The following SEMA4D variants were observed in gnomAD, a reference collection of about 807,000 sequenced individuals.
SEMA4D encodes the protein semaphorin 4D.
In SEMA4D, 22 loss-of-function variants were observed where a neutral mutation model predicts 74.8. That is an observed-to-expected ratio of 0.29 (90% CI 0.21 to 0.42). The LOEUF is 0.42. Ranked by LOEUF, SEMA4D falls within the 10% of genes least tolerant of loss-of-function variation. The pLI is 1.00. For missense variants in SEMA4D, 937 were observed against 1,118.4 expected, an observed-to-expected ratio of 0.84 and a Z score of 2.31; for synonymous variants, 445 against 463.7, an observed-to-expected ratio of 0.96 and a Z score of 0.52.
chr9:89,477,900 A>T lies in SEMA4D; in HGVS notation c.-310+20019T>A, dbSNP rs1041019399. ...TTAAAAGCAAAGGCCCCACCAACAG[A>T]GAGAAAAACTCGCATAAAAAAGATA... On this transcript the variant is annotated intron_variant, in intron 1 of 15. Coordinates refer to ENST00000422704, the MANE Select transcript of SEMA4D (RefSeq NM_001371194.2). Among the ~76,000 whole-genome samples the T allele has an allele frequency of 2.5e-4, 38 of 152,248 alleles. 1 individual carries two copies. The highest frequency in any genetic ancestry group is 2.5e-3 in the Admixed American group (38 of 15,282).
intron 2 of SEMA4D, among the ~76,000 whole-genome samples, chr9:89,434,277 G>A (rs552655575): frequency 2.6e-5 from 4 of 152,106 alleles, no homozygotes; most frequent in South Asian, 2.1e-4. Flanking sequence ...GAGGGGTCTC[G>A]GTCTAGGAGC....
At chr9:89,460,704 G>T (rs1857000765) in intron 1 of SEMA4D, among the ~76,000 whole-genome samples, 1 of 152,210 alleles carries the variant, frequency 6.6e-6, no homozygotes, top group East Asian at 1.9e-4. Flanking sequence ...CGCAGAGCAA[G>T]GAAAAAGGGG....
intron 2 of SEMA4D, among the ~76,000 whole-genome samples, chr9:89,417,016 CAGA>C (rs1056642935): frequency 6.6e-6 from 1 of 151,990 alleles, no homozygotes; most frequent in Non-Finnish European, 1.5e-5. Flanking sequence ...TAAAAAATAA[CAGA>C]AGGAGCCAGT....
intron 2 of SEMA4D, among the ~76,000 whole-genome samples, chr9:89,429,006 G>T (rs1848684879): frequency 6.6e-6 from 1 of 152,194 alleles, no homozygotes; most frequent in Non-Finnish European, 1.5e-5. Context: ...CCTGTGGGGG[G>T]GGTCTCCCCT....
intron 9 of SEMA4D, among the ~76,000 whole-genome samples, chr9:89,390,531 G>A (rs561244446): frequency 1.3e-5 from 2 of 152,302 alleles, no homozygotes; most frequent in Admixed American, 1.3e-4. Context: ...ACTTTTGTGC[G>A]CCATAGGCAT....
chr9:89,405,447 A>G lies in SEMA4D; in HGVS notation c.10T>C (p.Cys4Arg). The change falls in exon 3 of 16, where the codon TGC becomes CGC. Residue 4 changes from cysteine to arginine, a missense_variant. Transcript: ENST00000422704. ...ATGAGCAGCCCCCTAATGGGGGTGC[A>G]CATCCTCATCAGGTAGAGGCGACCC... MRM[C>R]TPIRGLLMAL... 1 of 1,613,796 alleles carries G rather than the reference A, an allele frequency of 6.2e-7. No individual in the cohort carries two copies. Among genetic ancestry groups the G allele is most frequent in the African/African-American group, 1.3e-5 (1 of 75,058 alleles).
intron 4 of SEMA4D, among the ~76,000 whole-genome samples, chr9:89,400,983 C>T (rs914191471): frequency 1.3e-5 from 2 of 152,184 alleles, no homozygotes; most frequent in South Asian, 4.1e-4. Context: ...TTAACAGACA[C>T]GCGAAGAGTA....
intron 2 of SEMA4D, among the ~76,000 whole-genome samples, chr9:89,429,465 G>A (rs1848789685): frequency 6.6e-6 from 1 of 152,140 alleles, no homozygotes; most frequent in Admixed American, 6.5e-5. Context: ...TATCAGTGTT[G>A]GGGGGTAGGG....
intron 16 of SEMA4D, among the ~76,000 whole-genome samples, chr9:89,370,624 TG>T (rs993491852): frequency 1.8e-4 from 27 of 146,340 alleles, no homozygotes; most frequent in South Asian, 8.8e-4. Flanking sequence ...GGGATGTGTG[TG>T]GGGGGGTACA....
chr9:89,415,037 A>G (rs1247976338), intron 2 of SEMA4D, among the ~76,000 whole-genome samples: 2 of 152,236 alleles, frequency 1.3e-5, no homozygotes, highest in Non-Finnish European at 1.5e-5. Context: ...ATGCACGCAG[A>G]GTGGCGGCAC....
rs1321578152 is a variant in SEMA4D, at chr9:89,377,257, T to C, written c.*1447A>G. On this transcript the variant is annotated 3_prime_UTR_variant, in exon 16 of 16. Coordinates refer to ENST00000422704, the MANE Select transcript of SEMA4D (RefSeq NM_001371194.2). ...AAATCAAGGATAGAAGCTTCTCATT[T>C]ATTTGGGTACTTTCCAAATGTATAC... The C allele has an allele frequency of 1.6e-5, 11 of 684,836 alleles. No individual in the cohort carries two copies. Among genetic ancestry groups the C allele is most frequent in the Non-Finnish European group, 2.4e-5 (11 of 451,938 alleles). The allele number at this position is 684,836 out of a possible 1,614,324, so 42.4% of individuals were successfully genotyped here.
At chr9:89,479,418 A>C (rs895126583) in intron 1 of SEMA4D, among the ~76,000 whole-genome samples, 1 of 152,156 alleles carries the variant, frequency 6.6e-6, no homozygotes, top group African/African-American at 2.4e-5. Context: ...TTGTTACTTC[A>C]ACACCTCAGC....
At chr9:89,440,101 T>C (rs1381021944) in intron 2 of SEMA4D, among the ~76,000 whole-genome samples, 2 of 152,142 alleles carry the variant, frequency 1.3e-5, no homozygotes, top group African/African-American at 4.8e-5. Context: ...ATAAGAGGCC[T>C]GGTGTCCTCC....
intron 16 of SEMA4D, among the ~76,000 whole-genome samples, chr9:89,370,520 T>C (rs1834413188): frequency 6.7e-6 from 1 of 149,564 alleles, no homozygotes; most frequent in Middle Eastern, 3.2e-3. Context: ...GATGCTGGCA[T>C]GTGGTGTGTG....
In SEMA4D at chr9:89,492,066, T is replaced by C. The variant is rs1825673196; in HGVS notation, c.-310+5853A>G. Reference sequence around the variant, plus strand: ...CAGCCCTATCTGCCCATGACCCCCCTCCACTTCCCCACTGCCCTTCACGGC... The same window carrying C: ...CAGCCCTATCTGCCCATGACCCCCCCCCACTTCCCCACTGCCCTTCACGGC... On this transcript the variant is annotated intron_variant, in intron 1 of 15. Coordinates refer to ENST00000422704, the MANE Select transcript of SEMA4D (RefSeq NM_001371194.2). This position sits in a 1 kb window ranked among gnomAD's most constrained non-coding sequence, Gnocchi z 4.3. Among the ~76,000 whole-genome samples, 1 of 151,850 alleles carries C rather than the reference T, an allele frequency of 6.6e-6. No individual in the cohort carries two copies. Among genetic ancestry groups the C allele is most frequent in the Non-Finnish European group, 1.5e-5 (1 of 67,946 alleles).
intron 2 of SEMA4D, among the ~76,000 whole-genome samples, chr9:89,453,358 A>T (rs1855090630): frequency 6.6e-6 from 1 of 152,246 alleles, no homozygotes; most frequent in African/African-American, 2.4e-5. Flanking sequence ...CAAGTGTAAG[A>T]GTTTGGGTCT....
At chr9:89,481,691 G>A (rs967314379) in intron 1 of SEMA4D, among the ~76,000 whole-genome samples, 3 of 152,244 alleles carry the variant, frequency 2.0e-5, no homozygotes, top group African/African-American at 7.2e-5. Context: ...GTCACAGACG[G>A]ATGCTGAGTG....
intron 2 of SEMA4D, among the ~76,000 whole-genome samples, chr9:89,438,960 G>A (rs1433053329): frequency 3.6e-5 from 4 of 111,404 alleles, no homozygotes; most frequent in Admixed American, 1.1e-4. Context: ...CCACCGCACC[G>A]GGCCTTTTTT....
intron 2 of SEMA4D, among the ~76,000 whole-genome samples, chr9:89,410,473 G>A: frequency 6.6e-6 from 1 of 152,106 alleles, no homozygotes. Context: ...ACACAACCTG[G>A]AAAATGGAAG....
Sources: allele counts gnomAD v4.1 joint callset (sites outside exome capture counted in the v4.1 genomes callset), GRCh38; gene constraint gnomAD v4.1.1; non-coding constraint Gnocchi (gnomAD v3.1); transcripts MANE v1.5; gene names NCBI Gene and HGNC (gene_info 2026-07-23, HGNC 2026-07-21).